Variants in ABCB11 observed in about 807,000 individuals in gnomAD.
ABCB11 encodes bile salt export pump.
A neutral mutation model predicts 148.0 loss-of-function variants in ABCB11; 95 were observed. That is an observed-to-expected ratio of 0.64 (90% CI 0.54 to 0.76). The LOEUF (loss-of-function observed/expected upper bound fraction) is 0.76, where lower values mean the gene tolerates loss of function less well. ABCB11 is among the 30% of genes least tolerant of loss of function. The pLI, the probability that ABCB11 is intolerant of heterozygous loss-of-function variation, is 0.00. For synonymous variants in ABCB11, 591 were observed against 555.4 expected, an observed-to-expected ratio of 1.06 and a Z score of -0.90; for missense variants, 1,523 against 1,617.8, an observed-to-expected ratio of 0.94 and a Z score of 1.01.
chr2:168,971,790 A>T, intron 14 of ABCB11, 57 bp downstream of exon 14: 1 of 1,531,480 alleles, frequency 6.5e-7, no homozygotes, highest in Non-Finnish European at 9.0e-7. Context: ...TAATTGTGCA[A>T]CTTTTTTTCC....
rs1271531058 is a variant in ABCB11, at chr2:168,998,922, G to GA, written c.390-2201dup. Among the ~76,000 whole-genome samples, 15 of 152,172 alleles carry GA rather than the reference G, an allele frequency of 9.9e-5. No homozygotes were observed. In the East Asian group the frequency reaches 1.4e-3, roughly 14 times the overall value. On this transcript the variant is annotated intron_variant, in intron 5 of 27. Transcript: ENST00000650372. ...ACTTGATAATATTTCTGGAACAACA[G>GA]AAAAAACCTATCAGAAAAACTGACA...
intron 12 of ABCB11, 51 bp from the exon 13 acceptor site, chr2:168,973,891 C>T: frequency 6.3e-7 from 1 of 1,595,872 alleles, no homozygotes; most frequent in South Asian, 1.1e-5. Flanking sequence ...TTTACCAAAT[C>T]AAACAATTAG....
intron 19 of ABCB11, among the ~76,000 whole-genome samples, chr2:168,949,258 T>C (rs1266166905): frequency 1.3e-5 from 2 of 151,784 alleles, no homozygotes; most frequent in East Asian, 3.9e-4. Flanking sequence ...ACAGATTTCT[T>C]ACATGCATAT....
At chr2:168,942,517 AAT>A (rs1204731642) in intron 21 of ABCB11, among the ~76,000 whole-genome samples, 1 of 151,450 alleles carries the variant, frequency 6.6e-6, no homozygotes, top group Non-Finnish European at 1.5e-5. Context: ...CAAAAAAAAA[AAT>A]AGAAAGAATT....
intron 8 of ABCB11, among the ~76,000 whole-genome samples, chr2:168,992,456 G>A (rs562853355): frequency 6.6e-6 from 1 of 152,228 alleles, no homozygotes; most frequent in East Asian, 1.9e-4. Flanking sequence ...AAGCTCTTCT[G>A]TGGAAGTTGA....
intron 10 of ABCB11, among the ~76,000 whole-genome samples, chr2:168,982,365 A>T (rs995772377): frequency 1.3e-5 from 2 of 152,200 alleles, no homozygotes; most frequent in Admixed American, 6.6e-5. Context: ...TGAGAGCATT[A>T]CATGCAGTAA....
chr2:168,989,043 T>C (rs1040452735), intron 9 of ABCB11, among the ~76,000 whole-genome samples: 8 of 152,154 alleles, frequency 5.3e-5, no homozygotes, highest in African/African-American at 1.9e-4. Flanking sequence ...CCTTATCAGA[T>C]GTATGGGTTA....
At position 168,993,851 on chromosome 2, in the gene ABCB11, C is replaced by T; in HGVS notation, c.643G>A (p.Asp215Asn). The T allele has an allele frequency of 6.2e-7, 1 of 1,609,804 alleles. No homozygotes were observed. Among genetic ancestry groups the T allele is most frequent in the Non-Finnish European group, 8.5e-7 (1 of 1,178,066 alleles). The part of the protein sequence containing the change: ...DINKINDAIA[D>N]QMALFIQRMT... ...CGCTGAATGAAAAGGGCCATTTGGT[C>T]AGCTATGGCATCATTGATTTTATTA... Residue 215 changes from aspartate (D) to asparagine (N), a missense_variant, in exon 8 of 28, where the codon GAC becomes AAC. Coordinates refer to ENST00000650372, the MANE Select transcript of ABCB11 (RefSeq NM_003742.4).
rs747065554 is a variant in ABCB11, at chr2:168,944,847, C to T, written c.2448+10G>A. 4.4e-6 allele frequency: 7 copies of T among 1,596,856 alleles called. No homozygotes were observed. Among genetic ancestry groups the T allele is most frequent in the Non-Finnish European group, 5.1e-6 (6 of 1,171,244 alleles). Reference sequence around the variant, plus strand: ...AACTAAATCACTTACTGAAAAATAACATTTCTTACCTGTAGAAATTGGGTG... The same window carrying T: ...AACTAAATCACTTACTGAAAAATAATATTTCTTACCTGTAGAAATTGGGTG... On this transcript the variant is annotated intron_variant, in intron 20 of 27. Coordinates refer to ENST00000650372, the MANE Select transcript of ABCB11 (RefSeq NM_003742.4).
intron 18 of ABCB11, among the ~76,000 whole-genome samples, chr2:168,963,355 A>G (rs1347306311): frequency 6.6e-6 from 1 of 151,796 alleles, no homozygotes; most frequent in African/African-American, 2.4e-5. Flanking sequence ...TAGAAAGGGG[A>G]TAAGTCAACA....
chr2:169,022,534 T>C (rs1695568758), intron 1 of ABCB11, among the ~76,000 whole-genome samples: 1 of 151,942 alleles, frequency 6.6e-6, no homozygotes, highest in Non-Finnish European at 1.5e-5. Context: ...GTAATGGCTA[T>C]TAAAATATTG....
chr2:169,000,319 A>G (rs1694833058), intron 5 of ABCB11, among the ~76,000 whole-genome samples: 1 of 152,102 alleles, frequency 6.6e-6, no homozygotes, highest in South Asian at 2.1e-4. Flanking sequence ...AGTCCAATTT[A>G]TCAAATTTTC....
chr2:169,029,996 T>A (rs984981100), intron 1 of ABCB11, among the ~76,000 whole-genome samples: 9 of 121,532 alleles, frequency 7.4e-5, no homozygotes, highest in Non-Finnish European at 1.6e-4. Flanking sequence ...CGCCTCGGCC[T>A]CCCAAAGTGC....
At chr2:169,011,216 G>A (rs892170870) in intron 5 of ABCB11, among the ~76,000 whole-genome samples, 1 of 152,062 alleles carries the variant, frequency 6.6e-6, no homozygotes, top group African/African-American at 2.4e-5. Flanking sequence ...AGATATACTT[G>A]AGGACCTTTT....
At chr2:168,956,289 G>A (rs995379499) in intron 19 of ABCB11, among the ~76,000 whole-genome samples, 5 of 151,792 alleles carry the variant, frequency 3.3e-5, no homozygotes, top group African/African-American at 7.2e-5. Flanking sequence ...AACATGTGGG[G>A]ATTACAATTT....
chr2:169,022,250 C>T (rs13390147), intron 1 of ABCB11, among the ~76,000 whole-genome samples: 6 of 151,034 alleles, frequency 4.0e-5, no homozygotes, highest in Admixed American at 3.3e-4. Flanking sequence ...AGATAGAAAA[C>T]AAAATAAAAT....
chr2:168,963,387 A>C (rs1693160200), intron 18 of ABCB11, among the ~76,000 whole-genome samples: 1 of 151,788 alleles, frequency 6.6e-6, no homozygotes, highest in South Asian at 2.1e-4. Context: ...AAGGCTCAAT[A>C]AGAAAATTGC....
intron 19 of ABCB11, among the ~76,000 whole-genome samples, chr2:168,956,875 G>A (rs1406661483): frequency 2.0e-5 from 3 of 151,588 alleles, no homozygotes; most frequent in African/African-American, 7.3e-5. Flanking sequence ...GCCCATTTTG[G>A]AGCCCTGGAT....
At chr2:169,011,583 C>A (rs1380501558) in intron 5 of ABCB11, among the ~76,000 whole-genome samples, 1 of 152,154 alleles carries the variant, frequency 6.6e-6, no homozygotes, top group African/African-American at 2.4e-5. Context: ...TGTTTTCTGT[C>A]AGGTACCTCC....
Sources: gnomAD v4.1 joint callset for allele counts (sites outside exome capture counted in the v4.1 genomes callset) on GRCh38, gnomAD v4.1.1 for gene constraint, MANE v1.5 for transcripts, NCBI Gene and HGNC (gene_info 2026-07-23, HGNC 2026-07-21) for gene names.